MTTP: variants seen among roughly 807,000 people sequenced by gnomAD.
MTTP encodes the protein microsomal triglyceride transfer protein large subunit.
MTTP carries 49 observed loss-of-function variants against 90.6 expected under a neutral mutation model. That is an observed-to-expected ratio of 0.54 (90% CI 0.43 to 0.69). The LOEUF (loss-of-function observed/expected upper bound fraction) is 0.69, where lower values mean the gene tolerates loss of function less well. Among genes scored for constraint, MTTP ranks in the 30% least tolerant of loss-of-function variants. The pLI, the probability that MTTP is intolerant of heterozygous loss-of-function variation, is 0.00. For missense variants in MTTP, 945 were observed against 1,067.5 expected (o/e 0.89, Z 1.60); for synonymous variants, 347 against 384.2 (o/e 0.90, Z 1.13).
chr4:99,616,315 G>A (rs544439473), intron 15 of MTTP, among the ~76,000 whole-genome samples: 2 of 152,282 alleles, frequency 1.3e-5, no homozygotes, highest in Admixed American at 1.3e-4. Context: ...TGAGAGGATT[G>A]CTTGAGCCCA....
Position 99,611,209 on chromosome 4 carries a change from ATCT to A in MTTP, c.1843_1845del (p.Ser615del), listed in dbSNP as rs1185155591. The A allele has an allele frequency of 7.4e-6, 12 of 1,613,828 alleles. No homozygotes were observed. Among genetic ancestry groups the A allele is most frequent in the African/African-American group, 1.3e-5 (1 of 74,854 alleles). ...ATTATGACCGTTTCTCCAGGAGTGG[ATCT>A]TCTTCTGCCTACACTGGCTACATAG... On this transcript the variant is annotated inframe_deletion, in exon 13 of 18. Transcript: ENST00000265517.
At chr4:99,613,874 A>G (rs1304879231) in intron 15 of MTTP, among the ~76,000 whole-genome samples, 1 of 152,228 alleles carries the variant, frequency 6.6e-6, no homozygotes, top group Non-Finnish European at 1.5e-5. Context: ...TCTGAAAAAC[A>G]GAAGAGGGTT....
At chr4:99,582,411 C>T (rs1725142280) in intron 2 of MTTP, among the ~76,000 whole-genome samples, 1 of 152,088 alleles carries the variant, frequency 6.6e-6, no homozygotes, top group African/African-American at 2.4e-5. Context: ...GTCAATAATC[C>T]ATGTTGTATG....
intron 17 of MTTP, 27 bp downstream of exon 17, chr4:99,621,258 C>T (rs771418101): frequency 1.2e-6 from 2 of 1,611,596 alleles, no homozygotes; most frequent in South Asian, 2.2e-5. Flanking sequence ...AGGTCATGTT[C>T]CAGGACCATC....
At chr4:99,606,705 C>T (rs1725824530) in intron 10 of MTTP, 43 bp from the exon 11 acceptor site, 2 of 1,585,674 alleles carry the variant, frequency 1.3e-6, no homozygotes, top group African/African-American at 2.7e-5. Context: ...AAGTCTTCTT[C>T]AATGTATGGT....
chr4:99,592,468 CA>C (rs145037614), intron 6 of MTTP, among the ~76,000 whole-genome samples: 4,061 of 151,976 alleles, frequency 0.027, 182 homozygotes, highest in African/African-American at 0.092. Flanking sequence ...TATAGGTGTA[CA>C]AAAAATATTT....
intron 7 of MTTP, chr4:99,595,609 A>T (rs932138183): frequency 2.0e-5 from 3 of 152,292 alleles, no homozygotes; most frequent in Non-Finnish European, 2.9e-5. Context: ...TGTTCAGAAA[A>T]GTGAAATCAT....
intron 9 of MTTP, 24 bp downstream of exon 9, chr4:99,600,757 C>A: frequency 6.2e-7 from 1 of 1,607,268 alleles, no homozygotes; most frequent in Non-Finnish European, 8.5e-7. Context: ...AAAATAAAGA[C>A]CCTCAACTCC....
At position 99,582,028 on chromosome 4, in the gene MTTP, A is replaced by G. The variant is rs755219735; in HGVS notation, c.185A>G (p.Asn62Ser). 36 of 1,614,084 alleles carry G rather than the reference A, an allele frequency of 2.2e-5. No homozygotes were observed. Among genetic ancestry groups the G allele is most frequent in the South Asian group, 5.5e-5 (5 of 91,092 alleles). Residue 62 changes from asparagine (N) to serine (S), a missense_variant, in exon 2 of 18, where the codon AAC becomes AGC. Transcript: ENST00000265517. Reference protein sequence around the residue: ...QDSVGYRISSNVDVALLWRNP... With the variant: ...QDSVGYRISSSVDVALLWRNP... Reference sequence around the variant, plus strand: ...AGCGTGGGCTACCGCATTTCCTCCAACGTGGATGTGGCCTTACTATGGAGG... The same window carrying G: ...AGCGTGGGCTACCGCATTTCCTCCAGCGTGGATGTGGCCTTACTATGGAGG...
chr4:99,593,341 T>G (rs1725475597), intron 6 of MTTP, among the ~76,000 whole-genome samples: 1 of 152,164 alleles, frequency 6.6e-6, no homozygotes, highest in African/African-American at 2.4e-5. Flanking sequence ...TGTCAAATGT[T>G]TTTAATATTA....
rs539223166 is a variant in MTTP at position 99,589,073 on chromosome 4, A to T, written c.394-570A>T. ...CATATATATATTCATATATATATAT[A>T]TTTTTTTTTTACCCAATACCAATAT... On this transcript the variant is annotated intron_variant, in intron 3 of 17. Transcript: ENST00000265517. Among the ~76,000 whole-genome samples, 34 of 3,752 alleles carry T rather than the reference A, an allele frequency of 9.1e-3. 2 individuals carry two copies. Among genetic ancestry groups the T allele is most frequent in the East Asian group, 0.069 (4 of 58 alleles). 2.5% of individuals were successfully genotyped at this position (3,752 alleles called of 152,430 possible). A position where few individuals can be genotyped will look rare whatever the true frequency, so the allele number is the denominator to read the frequency against.
At chr4:99,576,619 CG>C (rs1578231151) in intron 1 of MTTP, among the ~76,000 whole-genome samples, 1 of 131,644 alleles carries the variant, frequency 7.6e-6, no homozygotes, top group Non-Finnish European at 1.6e-5. Flanking sequence ...GGCGTGAACC[CG>C]GGAGGCGGAG....
chr4:99,581,893 A>AT lies in MTTP; in HGVS notation c.62-11dup. 1 of 1,613,924 alleles carries AT rather than the reference A, an allele frequency of 6.2e-7. No homozygotes were observed. The highest frequency in any genetic ancestry group is 2.2e-5 in the East Asian group (1 of 44,882). On this transcript the variant is annotated splice_polypyrimidine_tract_variant and intron_variant, in intron 1 of 17. Coordinates refer to ENST00000265517, the MANE Select transcript of MTTP (RefSeq NM_001386140.1). ...CAATGAAAACTGGATATGTGTCATT[A>AT]TCTTTATGCAGGTCACACAACTGGT... is the stretch of plus-strand genomic sequence containing the variant.
chr4:99,568,269 C>CA (rs1255295250), intron 1 of MTTP, among the ~76,000 whole-genome samples: 1 of 151,650 alleles, frequency 6.6e-6, no homozygotes, highest in Non-Finnish European at 1.5e-5. Context: ...AAAAACATAC[C>CA]AAAAAAAGAC....
At chr4:99,614,283 T>C (rs541182128) in intron 15 of MTTP, among the ~76,000 whole-genome samples, 26 of 152,310 alleles carry the variant, frequency 1.7e-4, no homozygotes, top group African/African-American at 5.5e-4. Flanking sequence ...TTTTATCAGC[T>C]TTTTTGTTTG....
At position 99,600,572 on chromosome 4, in the gene MTTP, CT is replaced by C; in HGVS notation, c.1076del (p.Leu359ArgfsTer14). On this transcript the variant is annotated frameshift_variant, in exon 9 of 18. Transcript: ENST00000265517. LOFTEE classifies it high-confidence loss of function. ...TTATGCCTTTTTTTATAGACCTCAG[CT>C]GGTGGATGCTGTCACCTCTGCTCAG... Reference protein sequence around the residue: ...KMENKEVLPQLVDAVTSAQTS... With the variant: ...KMENKEVLPQXVDAVTSAQTS... The C allele has an allele frequency of 6.2e-7, 1 of 1,613,526 alleles. No homozygotes were observed. The highest frequency in any genetic ancestry group is 8.5e-7 in the Non-Finnish European group (1 of 1,179,630).
upstream of MTTP, among the ~76,000 whole-genome samples, chr4:99,574,163 G>A (rs969678433): frequency 1.3e-5 from 2 of 152,188 alleles, no homozygotes; most frequent in Non-Finnish European, 2.9e-5. Context: ...ACAAATGTGT[G>A]TTGTCACAGA....
chr4:99,593,049 A>G (rs1725469222), intron 6 of MTTP, among the ~76,000 whole-genome samples: 3 of 152,104 alleles, frequency 2.0e-5, no homozygotes, highest in Admixed American at 2.0e-4. Context: ...TCATAATTTT[A>G]TGGGACCACC....
At chr4:99,577,620 A>AG (rs1202207648) in intron 1 of MTTP, among the ~76,000 whole-genome samples, 3 of 134,918 alleles carry the variant, frequency 2.2e-5, no homozygotes, top group Non-Finnish European at 5.1e-5. Context: ...AAAAAAAAAA[A>AG]AAGAAAGAAA....
Sources: allele counts gnomAD v4.1 joint callset (sites outside exome capture counted in the v4.1 genomes callset), GRCh38; gene constraint gnomAD v4.1.1; transcripts MANE v1.5; gene names NCBI Gene and HGNC (gene_info 2026-07-23, HGNC 2026-07-21).